RASGRF2: variants seen among roughly 807,000 people sequenced by gnomAD.
The protein encoded by RASGRF2 is Ras protein specific guanine nucleotide releasing factor 2, also known as ras-specific guanine nucleotide-releasing factor 2.
A neutral mutation model predicts 151.0 loss-of-function variants in RASGRF2; 76 were observed. The ratio of observed to expected loss-of-function variants is 0.50; its 90% confidence interval spans 0.42 to 0.61. The LOEUF (loss-of-function observed/expected upper bound fraction) is 0.61, where lower values mean the gene tolerates loss of function less well. Among genes scored for constraint, RASGRF2 ranks in the 20% least tolerant of loss-of-function variants. RASGRF2 has a pLI of 0.00. For missense variants in RASGRF2, 1,148 were observed against 1,564.6 expected, an observed-to-expected ratio of 0.73 and a Z score of 4.49; for synonymous variants, 504 against 566.5, an observed-to-expected ratio of 0.89 and a Z score of 1.57.
chr5:80,997,417 T>C (rs1348048431), intron 1 of RASGRF2: 1 of 152,228 alleles, frequency 6.6e-6, no homozygotes, highest in African/African-American at 2.4e-5. Flanking sequence ...AGACCCCTCT[T>C]ACAGCAACCA....
In RASGRF2 at chr5:81,085,465, A is replaced by C. The variant is rs188986235; in HGVS notation, c.1162-337A>C. ...AAATACAGACTCAAGTGACTTGATGATAGCTGTATCTGTTTCCCTCTGAAC... is the reference window on the plus strand; with the variant it reads ...AAATACAGACTCAAGTGACTTGATGCTAGCTGTATCTGTTTCCCTCTGAAC... On this transcript the variant is annotated intron_variant, in intron 7 of 26. Transcript: ENST00000265080. 3.3e-5 allele frequency among the ~76,000 whole-genome samples: 5 copies of C among 152,290 alleles called. No individual in the cohort carries two copies. The East Asian group carries it at 9.6e-4, about 29-fold the overall frequency.
rs1751740096 is a variant in RASGRF2 at position 81,070,533 on chromosome 5, C to T, written c.585C>T (p.Tyr195=). The part of the protein sequence containing the change: ...LNKTKERMRP[Y]QSNQEDEDPD... ...AAACCAAAGAACGAATGCGACCTTA[C>T]CAAAGCAACCAAGAAGACGAAGATC... is the stretch of plus-strand genomic sequence containing the variant. The change falls in exon 4 of 27, where the codon TAC becomes TAT. Residue 195 remains tyrosine (Y), a synonymous_variant. Coordinates refer to ENST00000265080, the MANE Select transcript of RASGRF2 (RefSeq NM_006909.3). The T allele has an allele frequency of 6.2e-7, 1 of 1,611,636 alleles. No homozygotes were observed. Among genetic ancestry groups the T allele is most frequent in the Admixed American group, 1.7e-5 (1 of 59,998 alleles).
chr5:81,086,105 C>T (rs1441241852), intron 8 of RASGRF2, among the ~76,000 whole-genome samples, 194 bp downstream of exon 8: 3 of 152,084 alleles, frequency 2.0e-5, no homozygotes, highest in South Asian at 4.2e-4. Flanking sequence ...AAGAAAAATA[C>T]GTATCTTGGA....
chr5:81,004,673 T>G (rs1749205832), intron 1 of RASGRF2, among the ~76,000 whole-genome samples: 1 of 152,226 alleles, frequency 6.6e-6, no homozygotes, highest in African/African-American at 2.4e-5. Context: ...TTCCTTGAGG[T>G]GGTATACACA....
At chr5:80,986,664 G>A (rs766744585) in intron 1 of RASGRF2, among the ~76,000 whole-genome samples, 78 of 152,288 alleles carry the variant, frequency 5.1e-4, no homozygotes, top group Non-Finnish European at 9.7e-4. Flanking sequence ...TTTAAGCTAC[G>A]TGTTGCAAGG....
chr5:80,996,502 T>TTCTTCTTCC (rs1561544704), intron 1 of RASGRF2, among the ~76,000 whole-genome samples: 1 of 59,066 alleles, frequency 1.7e-5, no homozygotes, highest in African/African-American at 7.1e-5. Context: ...CTTCTTCTTC[T>TTCTTCTTCC]TCCTCCTCCT....
intron 23 of RASGRF2, among the ~76,000 whole-genome samples, chr5:81,214,807 A>G (rs2072524110): frequency 6.6e-6 from 1 of 151,946 alleles, no homozygotes. Context: ...CCACCCTACC[A>G]CTCTCCTATG....
chr5:81,092,387 C>T (rs2112500221), intron 9 of RASGRF2, among the ~76,000 whole-genome samples: 1 of 152,100 alleles, frequency 6.6e-6, no homozygotes, highest in South Asian at 2.1e-4. Flanking sequence ...TTCTGTGCTT[C>T]AGGAAGAATA....
chr5:81,127,939 A>AAG (rs1554036239), intron 17 of RASGRF2, among the ~76,000 whole-genome samples: 5 of 151,292 alleles, frequency 3.3e-5, no homozygotes, highest in African/African-American at 1.2e-4. Context: ...AAAAAAAAAA[A>AAG]AAAAAAAAGA....
chr5:81,018,719 T>C (rs578039003), intron 1 of RASGRF2, among the ~76,000 whole-genome samples: 3 of 151,810 alleles, frequency 2.0e-5, no homozygotes, highest in African/African-American at 7.2e-5. Context: ...AATTATACGG[T>C]GAATAACATG....
intron 2 of RASGRF2, among the ~76,000 whole-genome samples, chr5:81,052,912 G>A (rs1258891717): frequency 6.6e-6 from 1 of 151,984 alleles, no homozygotes; most frequent in Non-Finnish European, 1.5e-5. Flanking sequence ...GGAGATAGGT[G>A]GAGTTTTTCT....
intron 15 of RASGRF2, 122 bp downstream of exon 15, chr5:81,114,042 G>T: frequency 7.8e-7 from 1 of 1,280,142 alleles, no homozygotes; most frequent in East Asian, 2.4e-5. Flanking sequence ...ATAGAAAGTA[G>T]AATGAGCTCA....
chr5:80,963,223 C>A (rs80306674), intron 1 of RASGRF2, among the ~76,000 whole-genome samples: 2,903 of 152,332 alleles, frequency 0.019, 41 homozygotes, highest in South Asian at 0.059. Context: ...CATCCAGACA[C>A]TGAGACACGA....
intron 2 of RASGRF2, among the ~76,000 whole-genome samples, chr5:81,053,210 T>G (rs954260172): frequency 1.3e-5 from 2 of 151,826 alleles, no homozygotes; most frequent in African/African-American, 2.4e-5. Context: ...TGTGCCATGT[T>G]GGTGTGCTGC....
chr5:81,105,131 C>A (rs759484865), intron 12 of RASGRF2, among the ~76,000 whole-genome samples: 29 of 152,130 alleles, frequency 1.9e-4, no homozygotes, highest in South Asian at 4.2e-4. Context: ...TCTTAAGATA[C>A]CCTGATTGTG....
chr5:81,134,808 T>C (rs1753714732), intron 17 of RASGRF2, among the ~76,000 whole-genome samples: 1 of 152,202 alleles, frequency 6.6e-6, no homozygotes. Context: ...GTATGCATAA[T>C]TGATGTTGTT....
chr5:81,080,484 C>A, intron 6 of RASGRF2, 112 bp from the exon 7 acceptor site: 4 of 1,196,622 alleles, frequency 3.3e-6, no homozygotes, highest in Non-Finnish European at 4.8e-6. Context: ...AGGGTTGCGG[C>A]TCCATGCATG....
intron 1 of RASGRF2, among the ~76,000 whole-genome samples, chr5:81,039,645 T>G (rs1306887342): frequency 2.0e-5 from 3 of 152,172 alleles, no homozygotes. Context: ...ACTTATGAAC[T>G]ATATAGATCT....
chr5:81,078,461 T>A (rs945794429), intron 5 of RASGRF2, among the ~76,000 whole-genome samples: 1 of 152,190 alleles, frequency 6.6e-6, no homozygotes, highest in Non-Finnish European at 1.5e-5. Flanking sequence ...TGAGATTAAC[T>A]TTTTTAGCTT....
Sources: gnomAD v4.1 joint callset for allele counts (sites outside exome capture counted in the v4.1 genomes callset) on GRCh38, gnomAD v4.1.1 for gene constraint, MANE v1.5 for transcripts, NCBI Gene and HGNC (gene_info 2026-07-23, HGNC 2026-07-21) for gene names.